KRT78: variants seen among roughly 807,000 people sequenced by gnomAD.
The protein encoded by KRT78 is keratin, type II cytoskeletal 78.
KRT78 carries 55 observed loss-of-function variants against 51.4 expected under a neutral mutation model. The ratio of observed to expected loss-of-function variants is 1.07; its 90% CI spans 0.86 to 1.34. The LOEUF is 1.34. Ranked by LOEUF, KRT78 falls within the 40% of genes most tolerant of loss-of-function variation. The pLI, the probability that KRT78 is intolerant of heterozygous loss-of-function variation, is 0.00. For synonymous variants in KRT78, 291 were observed against 264.3 expected, an observed-to-expected ratio of 1.10 and a Z score of -0.98; for missense variants, 652 against 649.4, an observed-to-expected ratio of 1.00 and a Z score of -0.04.
At chr12:52,840,987 T>C (rs11612536) in intron 6 of KRT78, among the ~76,000 whole-genome samples, 3,728 of 152,044 alleles carry the variant, frequency 0.025, 74 homozygotes, top group Non-Finnish European at 0.041. Context: ...CCTCCCCAAG[T>C]GCTCTTTCCC....
chr12:52,848,405 T>G lies in KRT78; in HGVS notation c.384+142A>C, dbSNP rs1163316191. The G allele has an allele frequency of 1.1e-5, 16 of 1,401,704 alleles. No individual in the cohort carries two copies. The East Asian group carries it at 3.5e-4, about 30-fold the overall frequency. 86.8% of individuals were successfully genotyped at this position (1,401,704 alleles called of 1,614,324 possible). ...TCAGCATAGCCAGAGAGAGTCCAGT[T>G]AGTCCACAGGAGGGACTTCTTTGCT... On this transcript the variant is annotated intron_variant, in intron 1 of 8. Coordinates refer to ENST00000304620, the MANE Select transcript of KRT78 (RefSeq NM_173352.4).
At chr12:52,840,364 G>C (rs1592143478) in intron 6 of KRT78, among the ~76,000 whole-genome samples, 1 of 152,096 alleles carries the variant, frequency 6.6e-6, no homozygotes, top group Non-Finnish European at 1.5e-5. Flanking sequence ...CTTATGAATA[G>C]AAGAGAGAAC....
intron 4 of KRT78, chr12:52,845,970 AT>A: frequency 1.9e-6 from 1 of 520,004 alleles, no homozygotes; most frequent in Non-Finnish European, 3.4e-6. Context: ...AAAAAAAGCA[AT>A]TTTTTTATCT....
chr12:52,845,989 T>C (rs77546032), intron 4 of KRT78: 2 of 541,554 alleles, frequency 3.7e-6, no homozygotes, highest in Non-Finnish European at 6.5e-6. Flanking sequence ...TCTGTAGTGA[T>C]TTTTTTCTGG....
intron 4 of KRT78, among the ~76,000 whole-genome samples, chr12:52,845,012 C>G (rs533509657): frequency 1.3e-5 from 2 of 149,486 alleles, no homozygotes; most frequent in Non-Finnish European, 1.5e-5. Flanking sequence ...TTTTTTTTTT[C>G]TTCTTCTTCT....
At position 52,844,159 on chromosome 12, in the gene KRT78, G is replaced by A. The variant is rs1031079450; in HGVS notation, c.981C>T (p.Val327=). 6.2e-7 allele frequency: 1 copy of A among 1,611,834 alleles called. No individual in the cohort carries two copies. The highest frequency in any genetic ancestry group is 2.2e-5 in the East Asian group (1 of 44,844). The change falls in exon 6 of 9, where the codon GTC becomes GTT. Residue 327 remains valine, a synonymous_variant. Transcript: ENST00000304620. The part of the protein sequence containing the change: ...LHGDRMQETK[V]QISQLHQEIQ... ...TCTCTTGGTGTAGCTGAGAGATCTG[G>A]ACTTTCGTTTCCTGCATCCTGTCCC...
intron 2 of KRT78, 60 bp from the exon 3 acceptor site, chr12:52,846,884 A>G (rs1940657109): frequency 7.9e-7 from 1 of 1,270,086 alleles, no homozygotes; most frequent in African/African-American, 1.5e-5. Context: ...TCATGCCCCC[A>G]TGTCCGAGCA....
chr12:52,848,449 GT>G, intron 1 of KRT78, 97 bp downstream of exon 1: 1 of 1,538,176 alleles, frequency 6.5e-7, no homozygotes, highest in Non-Finnish European at 8.8e-7. Context: ...TATTAGAAAA[GT>G]GGTAGAAGGA....
chr12:52,844,342 C>T (rs1940589937), intron 5 of KRT78, 124 bp from the exon 6 acceptor site: 1 of 1,247,630 alleles, frequency 8.0e-7, no homozygotes, highest in Non-Finnish European at 1.1e-6. Context: ...TGAGCCAGGA[C>T]ACAGTGGGAT....
intron 6 of KRT78, among the ~76,000 whole-genome samples, chr12:52,843,226 G>C (rs1375839438): frequency 6.6e-6 from 1 of 150,954 alleles, no homozygotes; most frequent in Non-Finnish European, 1.5e-5. Context: ...AATTAGCCAA[G>C]CATGGTGGTG....
At position 52,839,517 on chromosome 12, in the gene KRT78, G is replaced by A. The variant is rs368158095; in HGVS notation, c.1269-30C>T. 379 of 1,548,070 alleles carry A rather than the reference G, an allele frequency of 2.4e-4. 1 individual carries two copies. Among genetic ancestry groups the A allele is most frequent in the Middle Eastern group, 1.5e-3 (8 of 5,288 alleles). ...GGGGAAAAGGACAAGAGGGGGATGC[G>A]CTAAGGAATACTACAAAGAATGCAT... On this transcript the variant is annotated intron_variant, in intron 7 of 8. Coordinates refer to ENST00000304620, the MANE Select transcript of KRT78 (RefSeq NM_173352.4).
In KRT78 at chr12:52,848,776, C is replaced by A. The variant is rs201936904; in HGVS notation, c.155G>T (p.Arg52Leu). The A allele has an allele frequency of 6.2e-7, 1 of 1,612,300 alleles. No individual in the cohort carries two copies. The highest frequency in any genetic ancestry group is 1.3e-5 in the African/African-American group (1 of 74,666). The change falls in exon 1 of 9, where the codon CGT becomes CTT. Residue 52 changes from arginine to leucine, a missense_variant. Transcript: ENST00000304620. ...NSFGGCLEGSRGSTWGSGGRL... is the reference protein window; with the variant it reads ...NSFGGCLEGSLGSTWGSGGRL... Reference sequence around the variant, plus strand: ...ACCCCCTGACCCCCAGGTACTCCCACGAGAGCCTTCCAGGCACCCCCCAAA... The same window carrying A: ...ACCCCCTGACCCCCAGGTACTCCCAAGAGAGCCTTCCAGGCACCCCCCAAA...
Position 52,844,197 on chromosome 12 carries a change from C to A in KRT78, c.943G>T (p.Ala315Ser), listed in dbSNP as rs1940585080. The A allele has an allele frequency of 3.7e-6, 6 of 1,605,006 alleles. No homozygotes were observed. The East Asian group carries it at 1.3e-4, about 36-fold the overall frequency. The change falls in exon 6 of 9, where the codon GCC becomes TCC. Residue 315 changes from alanine to serine, a missense_variant. Ala to Ser is a moderately conservative substitution (Grantham distance 99). Coordinates refer to ENST00000304620, the MANE Select transcript of KRT78 (RefSeq NM_173352.4). ...TGCATCCTGTCCCCATGAAGCTGGG[C>A]AGACACCTGAAGTTCCTGGTACTGA... ...QTKYQELQVS[A>S]QLHGDRMQET... is the part of the protein sequence containing the mutation.
chr12:52,848,954 C>G lies in KRT78; in HGVS notation c.-24G>C. The G allele has an allele frequency of 6.6e-7, 1 of 1,520,086 alleles. No individual in the cohort carries two copies. Among genetic ancestry groups the G allele is most frequent in the Non-Finnish European group, 8.8e-7 (1 of 1,140,772 alleles). 94.2% of individuals were successfully genotyped at this position (1,520,086 alleles called of 1,614,324 possible). On this transcript the variant is annotated 5_prime_UTR_variant, in exon 1 of 9. Coordinates refer to ENST00000304620, the MANE Select transcript of KRT78 (RefSeq NM_173352.4). ...ATGGCAGAGACAGACAGTCACGCAG[C>G]TGCAGACGGACAGACAGATTGTCAA...
intron 2 of KRT78, among the ~76,000 whole-genome samples, chr12:52,847,073 C>T (rs1464487117): frequency 6.6e-6 from 1 of 152,152 alleles, no homozygotes; most frequent in Non-Finnish European, 1.5e-5. Flanking sequence ...ATACCTTTTC[C>T]CACTTGCTAC....
At chr12:52,839,643 C>T in intron 7 of KRT78, 121 bp downstream of exon 7, 1 of 1,294,262 alleles carries the variant, frequency 7.7e-7, no homozygotes. Flanking sequence ...CGTCGGTTGC[C>T]CTTAGCAACT....
In KRT78 at chr12:52,839,075, G is replaced by A. The variant is rs750232760; in HGVS notation, c.*38C>T. 6.3e-7 allele frequency: 1 copy of A among 1,594,882 alleles called. No homozygotes were observed. Among genetic ancestry groups the A allele is most frequent in the Non-Finnish European group, 8.5e-7 (1 of 1,172,898 alleles). On this transcript the variant is annotated 3_prime_UTR_variant, in exon 9 of 9. Coordinates refer to ENST00000304620, the MANE Select transcript of KRT78 (RefSeq NM_173352.4). ...CAGAGCCGGCTGATGGGGGGAGTGG[G>A]CCAAATGTGTTCAGGAAGGAGGTGG... is the stretch of plus-strand genomic sequence containing the variant.
At position 52,847,980 on chromosome 12, in the gene KRT78, G is replaced by A; in HGVS notation, c.526C>T (p.Leu176Phe). The change falls in exon 2 of 9, where the codon CTC (leucine) becomes TTC (phenylalanine). Residue 176 changes from leucine (L) to phenylalanine (F), a missense_variant. By Grantham distance (22) the Leu-to-Phe change is conservative. Transcript: ENST00000304620. ...TCCAGAGCCCCTCGTTCTCCCTGGA[G>A]CTGCTCCAGCTGCTTCCTGAGCTGA... The part of the protein sequence containing the change: ...LDQLRKQLEQ[L>F]QGERGALDAE... 1 of 1,614,204 alleles carries A rather than the reference G, an allele frequency of 6.2e-7. No individual in the cohort carries two copies. The highest frequency in any genetic ancestry group is 8.5e-7 in the Non-Finnish European group (1 of 1,180,040).
Position 52,843,518 on chromosome 12 carries a change from C to T in KRT78, c.1047+575G>A, listed in dbSNP as rs1203952683. Among the ~76,000 whole-genome samples the T allele has an allele frequency of 2.7e-5, 4 of 150,700 alleles. No individual in the cohort carries two copies. The East Asian group carries it at 5.8e-4, about 22-fold the overall frequency. On this transcript the variant is annotated intron_variant, in intron 6 of 8. Coordinates refer to ENST00000304620, the MANE Select transcript of KRT78 (RefSeq NM_173352.4). ...CAGCCTGGCCAACATGGTGAAACCC[C>T]GTCCCTACTGAAAATGCAAAAATTA...
Sources: gnomAD v4.1 joint callset for allele counts (sites outside exome capture counted in the v4.1 genomes callset) on GRCh38, gnomAD v4.1.1 for gene constraint, MANE v1.5 for transcripts, NCBI Gene and HGNC (gene_info 2026-07-23, HGNC 2026-07-21) for gene names.